The following KRT8 variants were observed in gnomAD, a reference collection of about 807,000 sequenced individuals.
KRT8 encodes keratin, type II cytoskeletal 8.
KRT8 carries 24 observed loss-of-function variants against 43.0 expected under a neutral mutation model. That is an observed-to-expected ratio of 0.56 (90% CI 0.40 to 0.78). The LOEUF (loss-of-function observed/expected upper bound fraction) is 0.78. Among genes scored for constraint, KRT8 ranks in the 30% least tolerant of loss-of-function variants. KRT8 has a pLI of 0.00. For synonymous variants in KRT8, 214 were observed against 261.2 expected, an observed-to-expected ratio of 0.82 and a Z score of 1.74; for missense variants, 492 against 638.4, an observed-to-expected ratio of 0.77 and a Z score of 2.47.
chr12:52,900,547 A>C (rs752292415), intron 4 of KRT8, 41 bp downstream of exon 4: 1 of 1,342,534 alleles, frequency 7.4e-7, no homozygotes, highest in African/African-American at 1.4e-5. Flanking sequence ...AGGCGCTGAC[A>C]AGGCTGGGGG....
At chr12:52,901,389 C>A in intron 2 of KRT8, 170 bp from the exon 3 acceptor site, 1 of 673,032 alleles carries the variant, frequency 1.5e-6, no homozygotes. Flanking sequence ...ACCCTCACCC[C>A]TCCCTTAGCC....
chr12:52,924,403 T>C (rs1271501796), intron 2 of KRT8, among the ~76,000 whole-genome samples: 2 of 150,446 alleles, frequency 1.3e-5, no homozygotes, highest in South Asian at 2.1e-4. Flanking sequence ...GAGCTGAGAT[T>C]GCGCCACTGC....
chr12:52,934,085 C>T (rs897254102), intron 2 of KRT8, among the ~76,000 whole-genome samples: 42 of 151,380 alleles, frequency 2.8e-4, no homozygotes, highest in African/African-American at 9.7e-4. Flanking sequence ...AAAAATTAGC[C>T]GGGCATGGTG....
intron 3 of KRT8, chr12:52,900,886 T>C (rs2120558158): frequency 3.1e-6 from 2 of 638,154 alleles, no homozygotes; most frequent in East Asian, 5.5e-5. Flanking sequence ...ACACACCCTC[T>C]TCCACCTCCT....
chr12:52,925,808 C>T lies in KRT8; in HGVS notation c.-46-20781G>A, dbSNP rs1481140898. ...TAATAGTTTCTTTGTCTCTTCCAGC[C>T]CTCTATCTTAGAGGACAGGAGGTGG... On this transcript the variant is annotated intron_variant, in intron 2 of 6. Coordinates refer to the KRT8 transcript ENST00000546826. 2.0e-5 allele frequency among the ~76,000 whole-genome samples: 3 copies of T among 152,132 alleles called. No individual in the cohort carries two copies. The East Asian group carries it at 5.8e-4, about 29-fold the overall frequency.
intron 2 of KRT8, chr12:52,901,444 G>A (rs1565717738): frequency 6.7e-6 from 4 of 599,656 alleles, no homozygotes; most frequent in South Asian, 1.8e-5. Context: ...AATACACATC[G>A]GATTGGACAC....
chr12:52,905,640 G>C (rs1361826594), upstream of KRT8, among the ~76,000 whole-genome samples: 1 of 152,012 alleles, frequency 6.6e-6, no homozygotes, highest in Non-Finnish European at 1.5e-5. Context: ...CCTAGCACCT[G>C]GTGCAGTGCC....
At chr12:52,900,101 TCTGCACACAGGGAGC>T in intron 4 of KRT8, 36 bp from the exon 5 acceptor site, 1 of 1,607,668 alleles carries the variant, frequency 6.2e-7, no homozygotes. Context: ...AGGCCCTGTC[TCTGCACACAGGGAGC>T]CCCCTTTTCC....
intron 2 of KRT8, among the ~76,000 whole-genome samples, chr12:52,944,060 G>A (rs1942307706): frequency 6.6e-6 from 1 of 152,144 alleles, no homozygotes; most frequent in Admixed American, 6.5e-5. Context: ...AGGAGCAAAT[G>A]GGGCAAAGCA....
At chr12:52,899,602 T>A (rs1401283066) in intron 5 of KRT8, among the ~76,000 whole-genome samples, 173 bp downstream of exon 5, 1 of 152,046 alleles carries the variant, frequency 6.6e-6, no homozygotes, top group Non-Finnish European at 1.5e-5. Flanking sequence ...CTTCCCTGCA[T>A]CCCTTTGCTT....
chr12:52,920,970 T>C (rs1941872995), intron 2 of KRT8, among the ~76,000 whole-genome samples: 1 of 152,116 alleles, frequency 6.6e-6, no homozygotes, highest in African/African-American at 2.4e-5. Context: ...TACCCACCAC[T>C]CTGTAACCAA....
Position 52,897,627 on chromosome 12 carries a change from G to T in KRT8, c.1262-9C>A, listed in dbSNP as rs200416994. On this transcript the variant is annotated splice_polypyrimidine_tract_variant and intron_variant, in intron 7 of 7. Transcript: ENST00000692008. ...GGCCGAGCTCAGACCACCTGGTGAG[G>T]GACAGAGGTAGCCACATGAGTACAG... 1.3e-5 allele frequency: 20 copies of T among 1,597,966 alleles called. No individual in the cohort carries two copies. Among genetic ancestry groups the T allele is most frequent in the Non-Finnish European group, 1.7e-5 (20 of 1,179,906 alleles).
At chr12:52,940,862 G>A (rs1350815286) in intron 2 of KRT8, among the ~76,000 whole-genome samples, 5 of 151,806 alleles carry the variant, frequency 3.3e-5, no homozygotes, top group Non-Finnish European at 5.9e-5. Context: ...TTCTGAACTC[G>A]TGATCCACCC....
chr12:52,901,788 G>A, intron 2 of KRT8, 76 bp downstream of exon 2: 1 of 1,000,982 alleles, frequency 1.0e-6, no homozygotes, highest in East Asian at 2.4e-5. Flanking sequence ...AGGGCCATGG[G>A]GACTTAGTCC....
exon 2 of KRT8, chr12:52,902,003 C>A (rs1259134501): frequency 1.9e-6 from 3 of 1,603,492 alleles, no homozygotes; most frequent in Admixed American, 3.3e-5. Flanking sequence ...TTGCTTCGAG[C>A]CGTCTTCTGC....
intron 2 of KRT8, among the ~76,000 whole-genome samples, chr12:52,943,750 T>A (rs1020778444): frequency 6.6e-6 from 1 of 152,208 alleles, no homozygotes; most frequent in African/African-American, 2.4e-5. Flanking sequence ...TCCTGCCCCA[T>A]GCCTCTCCCA....
At chr12:52,930,991 T>C (rs1444272828) in intron 2 of KRT8, among the ~76,000 whole-genome samples, 2 of 152,178 alleles carry the variant, frequency 1.3e-5, no homozygotes, top group Non-Finnish European at 2.9e-5. Context: ...TTCCAAGACA[T>C]CTGGCTAGCA....
chr12:52,898,316 G>A, intron 7 of KRT8, 145 bp downstream of exon 7: 1 of 693,712 alleles, frequency 1.4e-6, no homozygotes, highest in Admixed American at 2.3e-5. Flanking sequence ...TCCTGAATAT[G>A]TGCCTCCCCA....
At chr12:52,938,170 A>ATATATATATATATATATATATTTTTTTT (rs1555189967) in intron 2 of KRT8, among the ~76,000 whole-genome samples, 1 of 30,322 alleles carries the variant, frequency 3.3e-5, no homozygotes, top group Non-Finnish European at 5.9e-5. Context: ...ATATATATAT[A>ATATATATATATATATATATATTTTTTTT]TTTTTTTTTT....
Sources: allele counts gnomAD v4.1 joint callset (sites outside exome capture counted in the v4.1 genomes callset), GRCh38; gene constraint gnomAD v4.1.1; transcripts MANE v1.5; gene names NCBI Gene and HGNC (gene_info 2026-07-23, HGNC 2026-07-21).